The following ABCA12 variants were observed in gnomAD, a reference collection of about 807,000 sequenced individuals.
ABCA12 encodes glucosylceramide transporter ABCA12.
ABCA12 carries 156 observed loss-of-function variants against 293.5 expected under a neutral mutation model. The observed-to-expected ratio is 0.53, with a 90% CI of 0.47 to 0.61. The LOEUF is 0.61. ABCA12 is among the 20% of genes least tolerant of loss of function. The pLI is 0.00. For missense variants in ABCA12, 2,797 were observed against 3,090.2 expected (o/e 0.91, Z 2.25); for synonymous variants, 1,063 against 1,108.0 (o/e 0.96, Z 0.81).
chr2:214,934,909 GC>G (rs1400966783), intron 51 of ABCA12, among the ~76,000 whole-genome samples: 2 of 151,268 alleles, frequency 1.3e-5, no homozygotes, highest in South Asian at 2.1e-4. Flanking sequence ...TTAACTTGAT[GC>G]TTATTAGTCC....
chr2:214,942,209 T>C (rs1414294882), intron 50 of ABCA12, among the ~76,000 whole-genome samples: 4 of 152,198 alleles, frequency 2.6e-5, no homozygotes, highest in Admixed American at 2.0e-4. Context: ...GCCAGCTAAC[T>C]GTTTGCACCA....
intron 7 of ABCA12, chr2:215,042,165 G>A (rs1057399660): frequency 6.6e-6 from 1 of 152,158 alleles, no homozygotes; most frequent in East Asian, 1.9e-4. Flanking sequence ...CATGTTAAGT[G>A]TTCTTATGAA....
chr2:215,034,465 C>A (rs375447413), intron 8 of ABCA12, among the ~76,000 whole-genome samples: 47 of 152,258 alleles, frequency 3.1e-4, no homozygotes, highest in East Asian at 1.2e-3. Flanking sequence ...TGGCTTCCCA[C>A]AGAATAAGTG....
intron 48 of ABCA12, 82 bp downstream of exon 48, chr2:214,947,340 C>CATG: frequency 6.3e-7 from 1 of 1,588,020 alleles, no homozygotes; most frequent in East Asian, 2.2e-5. Flanking sequence ...TGACTGCAAT[C>CATG]ATGATGATGA....
At chr2:214,991,984 G>C (rs1699921305) in intron 23 of ABCA12, among the ~76,000 whole-genome samples, 3 of 151,938 alleles carry the variant, frequency 2.0e-5, no homozygotes, top group Admixed American at 2.0e-4. Flanking sequence ...ATACCTATGT[G>C]ACAAACCTAC....
chr2:215,052,458 C>T, intron 5 of ABCA12, 29 bp downstream of exon 5: 1 of 1,572,376 alleles, frequency 6.4e-7, no homozygotes, highest in Non-Finnish European at 8.8e-7. Flanking sequence ...TTGAATCACT[C>T]TACCCATTAC....
In ABCA12 at chr2:215,026,915, T is replaced by G; in HGVS notation, c.1085A>C (p.Glu362Ala). The part of the protein sequence containing the change: ...AAQLLILENF[E>A]DALLNISANS... Reference sequence around the variant, plus strand: ...TGCTGATATATTTAAGAGGGCATCTTCAAAGTTTTCCAGAATTAGGAGCCT... The same window carrying G: ...TGCTGATATATTTAAGAGGGCATCTGCAAAGTTTTCCAGAATTAGGAGCCT... The change falls in exon 10 of 53, where the codon GAA becomes GCA. Residue 362 changes from glutamate to alanine, a missense_variant. By Grantham distance (107) the Glu-to-Ala change is moderately radical. Around this residue, in one of 3 missense-constraint regions of ABCA12, gnomAD observed 656 missense variants for 638.2 expected, o/e 1.03. Transcript: ENST00000272895. The G allele has an allele frequency of 6.2e-7, 1 of 1,608,608 alleles. No individual in the cohort carries two copies. Among genetic ancestry groups the G allele is most frequent in the Non-Finnish European group, 8.5e-7 (1 of 1,174,990 alleles).
At position 215,034,276 on chromosome 2, in the gene ABCA12, TCTTCC is replaced by T. The variant is rs1700943779; in HGVS notation, c.986-2385_986-2381del. 2.6e-5 allele frequency among the ~76,000 whole-genome samples: 4 copies of T among 152,290 alleles called. No homozygotes were observed. The East Asian group carries it at 7.7e-4, about 29-fold the overall frequency. ...GAGATAGGAAGTTAGGAGGCAACTT[TCTTCC>T]CAGGTGTTTATTAGCAGCTCTCTAT... is the stretch of plus-strand genomic sequence containing the variant. On this transcript the variant is annotated intron_variant, in intron 8 of 52. Transcript: ENST00000272895.
chr2:215,069,219 G>A (rs1202385330), intron 2 of ABCA12, among the ~76,000 whole-genome samples: 1 of 151,334 alleles, frequency 6.6e-6, no homozygotes, highest in East Asian at 1.9e-4. Flanking sequence ...TTACTCATTT[G>A]AGAGCATTTT....
intron 15 of ABCA12, among the ~76,000 whole-genome samples, chr2:215,014,128 C>T (rs1413877807): frequency 6.6e-6 from 1 of 151,312 alleles, no homozygotes; most frequent in African/African-American, 2.4e-5. Flanking sequence ...CTGCAGTGAG[C>T]CGAGATGGCA....
At chr2:214,940,858 T>C (rs1698377366) in intron 50 of ABCA12, among the ~76,000 whole-genome samples, 1 of 152,164 alleles carries the variant, frequency 6.6e-6, no homozygotes, top group Non-Finnish European at 1.5e-5. Context: ...TTCTTCTCTC[T>C]TTTCTTCTTT....
chr2:214,997,242 G>A (rs1260429312), intron 23 of ABCA12, among the ~76,000 whole-genome samples: 4 of 152,182 alleles, frequency 2.6e-5, no homozygotes, highest in Non-Finnish European at 5.9e-5. Flanking sequence ...ATACTGGAAA[G>A]AGAATTTTCT....
Position 215,045,850 on chromosome 2 carries a change from G to C in ABCA12, c.859C>G (p.Arg287Gly), listed in dbSNP as rs11891778. ...ACATTTTCTTACCTGTTTGCCTTTC[G>C]AAGAACATCAAATAGATTGCTTAGT... ...TSLSNLFDVL[R>G]KANSVLLVVQ... Residue 287 changes from arginine (R) to glycine (G), a missense_variant, in exon 7 of 53, where the codon CGA (arginine) becomes GGA (glycine). Arg to Gly is a moderately radical substitution (Grantham distance 125, BLOSUM62 -2). This residue lies in a region of ABCA12 where 656 missense variants were observed against 638.2 expected (regional missense o/e 1.03). Transcript: ENST00000272895. 6.6e-3 allele frequency: 10,601 copies of C among 1,612,644 alleles called. 576 individuals carry two copies. In the African/African-American group the frequency reaches 0.12, roughly 18 times the overall value.
chr2:215,029,122 C>T (rs918951711), intron 9 of ABCA12: 31 of 152,258 alleles, frequency 2.0e-4, no homozygotes, highest in Non-Finnish European at 3.8e-4. Flanking sequence ...TCAATATAAA[C>T]ATTTCTCCTC....
chr2:215,113,085 G>A (rs762851987), intron 1 of ABCA12, among the ~76,000 whole-genome samples: 1 of 152,164 alleles, frequency 6.6e-6, no homozygotes, highest in Non-Finnish European at 1.5e-5. Flanking sequence ...CCACTTTTCA[G>A]AGACAATTTG....
rs528696707 is a variant in ABCA12 at position 215,088,756 on chromosome 2, A to T, written c.163+22841T>A. The stretch of plus-strand genomic sequence containing the variant: ...AGGAAGAGGAAATGAGAACGGAGAC[A>T]CCTGTTTTGGAAAAAAGACTGCTAA... On this transcript the variant is annotated intron_variant, in intron 2 of 52. Coordinates refer to ENST00000272895, the MANE Select transcript of ABCA12 (RefSeq NM_173076.3). Among the ~76,000 whole-genome samples, 3 of 152,250 alleles carry T rather than the reference A, an allele frequency of 2.0e-5. No homozygotes were observed. In the South Asian group the frequency reaches 6.2e-4, roughly 32 times the overall value.
chr2:214,964,748 A>G (rs58399908), intron 39 of ABCA12, among the ~76,000 whole-genome samples: 25,149 of 152,134 alleles, frequency 0.17, 3,520 homozygotes, highest in African/African-American at 0.38. Context: ...AAATGGAAAA[A>G]CATTCCATGC....
chr2:214,980,906 C>T (rs1193006462), intron 30 of ABCA12, among the ~76,000 whole-genome samples: 1 of 152,016 alleles, frequency 6.6e-6, no homozygotes, highest in African/African-American at 2.4e-5. Context: ...CGAAACCAGC[C>T]TGGCCAACAT....
chr2:214,935,692 G>A (rs1296721258), intron 51 of ABCA12, among the ~76,000 whole-genome samples: 6 of 152,094 alleles, frequency 3.9e-5, no homozygotes, highest in Non-Finnish European at 4.4e-5. Context: ...GGCTACTTGT[G>A]AGGCAGAGGT....
Sources: gnomAD v4.1 joint callset for allele counts (sites outside exome capture counted in the v4.1 genomes callset) on GRCh38, gnomAD v4.1.1 for gene constraint, gnomAD v4.1.1 regional missense constraint, MANE v1.5 for transcripts, NCBI Gene and HGNC (gene_info 2026-07-23, HGNC 2026-07-21) for gene names.